The following NISCH variants were observed in gnomAD, a reference collection of about 807,000 sequenced individuals.
NISCH encodes the protein I-1 receptor candidate protein.
In NISCH, 55 loss-of-function variants were observed where a neutral mutation model predicts 138.4. That is an observed-to-expected ratio of 0.40 (90% CI 0.32 to 0.50). The LOEUF is 0.50. NISCH is among the 20% of genes least tolerant of loss of function. NISCH has a pLI of 0.71. For missense variants in NISCH, 1,643 were observed against 2,005.5 expected (o/e 0.82, Z 3.45); for synonymous variants, 860 against 861.5 (o/e 1.00, Z 0.03).
Position 52,470,884 on chromosome 3 carries a change from T to A in NISCH, c.386T>A (p.Leu129Gln). ...FYEINGITAA[L>Q]AEELFEKGEQ... ...GAGATAAATGGCATCACCGCGGCAC[T>A]GGCTGAAGAGCTCTTTGAGAAAGGT... The change falls in exon 4 of 21, where the codon CTG (leucine) becomes CAG (glutamine). Residue 129 changes from leucine (L) to glutamine (Q), a missense_variant. Transcript: ENST00000345716. 1 of 1,614,164 alleles carries A rather than the reference T, an allele frequency of 6.2e-7. No individual in the cohort carries two copies. Among genetic ancestry groups the A allele is most frequent in the Non-Finnish European group, 8.5e-7 (1 of 1,180,024 alleles).
chr3:52,489,675 T>C lies in NISCH; in HGVS notation c.3453T>C (p.Ala1151=). 6.2e-7 allele frequency: 1 copy of C among 1,611,154 alleles called. No individual in the cohort carries two copies. The change falls in exon 17 of 21, where the codon GCT becomes GCC. Residue 1151 remains alanine, a synonymous_variant. Coordinates refer to ENST00000345716, the MANE Select transcript of NISCH (RefSeq NM_007184.4). The stretch of plus-strand genomic sequence containing the variant: ...TCGAGCTCTTCCACAGCAGCATTGC[T>C]GAGGTAGCGGCCCGGGTGTGGGTGC... ...AIIELFHSSI[A]EVENEELRHL... is the part of the protein sequence containing the mutation.
At chr3:52,459,005 A>G (rs1278233083) in intron 3 of NISCH, among the ~76,000 whole-genome samples, 161 bp downstream of exon 3, 1 of 152,190 alleles carries the variant, frequency 6.6e-6, no homozygotes, top group Admixed American at 6.5e-5. Flanking sequence ...TTGTGGCCAG[A>G]AGCATGTTAG....
chr3:52,469,427 C>T (rs1048189618), intron 3 of NISCH, among the ~76,000 whole-genome samples: 4 of 152,146 alleles, frequency 2.6e-5, no homozygotes, highest in Non-Finnish European at 4.4e-5. Flanking sequence ...AGGGTGTCGG[C>T]GCTTGTCCAC....
At chr3:52,481,985 G>T (rs986389981) in intron 13 of NISCH, 1 of 918,284 alleles carries the variant, frequency 1.1e-6, no homozygotes, top group Non-Finnish European at 1.3e-6. Context: ...TGATGTCTCC[G>T]CTCTATCCGC....
intron 3 of NISCH, among the ~76,000 whole-genome samples, chr3:52,463,147 A>G (rs1475486204): frequency 6.6e-6 from 1 of 152,148 alleles, no homozygotes; most frequent in Non-Finnish European, 1.5e-5. Context: ...GCAGTCACTA[A>G]TCTACTTTCT....
In NISCH at chr3:52,471,848, C is replaced by A. The variant is rs148675688; in HGVS notation, c.444C>A (p.Ala148=). The change falls in exon 5 of 21, where the codon GCC becomes GCA. Residue 148 remains alanine (A), a synonymous_variant. Transcript: ENST00000345716. Reference sequence around the variant, plus strand: ...TCCTGGGGGCCGGCGAGGTCTTTGCCATTGGACCCCTGCAGCTGTATGCCG... The same window carrying A: ...TCCTGGGGGCCGGCGAGGTCTTTGCAATTGGACCCCTGCAGCTGTATGCCG... ...EQLLGAGEVF[A]IGPLQLYAVT... is the part of the protein sequence containing the mutation. The A allele has an allele frequency of 6.2e-7, 1 of 1,613,824 alleles. No individual in the cohort carries two copies. Among genetic ancestry groups the A allele is most frequent in the East Asian group, 2.2e-5 (1 of 44,900 alleles).
At chr3:52,463,898 A>AT (rs1383022551) in intron 3 of NISCH, among the ~76,000 whole-genome samples, 1 of 147,580 alleles carries the variant, frequency 6.8e-6, no homozygotes, top group Non-Finnish European at 1.5e-5. Context: ...TAATTTTTGT[A>AT]TTTTTTTCAT....
Position 52,478,513 on chromosome 3 carries a change from C to T in NISCH, c.1238C>T (p.Pro413Leu), listed in dbSNP as rs753692259. The T allele has an allele frequency of 6.2e-7, 1 of 1,614,220 alleles. No individual in the cohort carries two copies. Among genetic ancestry groups the T allele is most frequent in the South Asian group, 1.1e-5 (1 of 91,084 alleles). Reference protein sequence around the residue: ...CLEHVSLLNNPLSIIPDYRTK... With the variant: ...CLEHVSLLNNLLSIIPDYRTK... ...GAGCACGTGTCTCTGCTGAACAACC[C>T]TCTGAGCATCATCCCCGACTACCGG... Residue 413 changes from proline to leucine, a missense_variant, in exon 11 of 21, where the codon CCT (proline) becomes CTT (leucine). Transcript: ENST00000345716.
Position 52,489,345 on chromosome 3 carries a change from G to A in NISCH, c.3123G>A (p.Gln1041=). Residue 1041 remains glutamine, a synonymous_variant, in exon 17 of 21, where the codon CAG becomes CAA. Transcript: ENST00000345716. ...TTTTCGGGGGATACAGCAATGACCA[G>A]CGTCCCCAGGAGGTCCCAGCAGAGG... ...QPAERRASND[Q]RPQEVPAEAL... The A allele has an allele frequency of 1.2e-6, 2 of 1,611,894 alleles. No individual in the cohort carries two copies. The highest frequency in any genetic ancestry group is 2.2e-5 in the South Asian group (2 of 91,022).
At chr3:52,456,090 C>T (rs1247292299) in intron 1 of NISCH, among the ~76,000 whole-genome samples, 3 of 151,954 alleles carry the variant, frequency 2.0e-5, no homozygotes, top group African/African-American at 7.3e-5. Flanking sequence ...CCTGGAAGAC[C>T]GTTACAGGGG....
chr3:52,483,769 G>A (rs1047213181), intron 13 of NISCH, among the ~76,000 whole-genome samples: 1 of 152,204 alleles, frequency 6.6e-6, no homozygotes, highest in African/African-American at 2.4e-5. Flanking sequence ...GACAAATCAG[G>A]GGACGGGGTC....
At position 52,490,280 on chromosome 3, in the gene NISCH, G is replaced by T. The variant is rs770352224; in HGVS notation, c.3613+49G>T. The T allele has an allele frequency of 1.9e-6, 3 of 1,596,406 alleles. No homozygotes were observed. In the African/African-American group the frequency reaches 4.0e-5, roughly 21 times the overall value. On this transcript the variant is annotated intron_variant, in intron 18 of 20. Transcript: ENST00000345716. ...TCAGGAGCTTGGAGTGTGTGGTTGG[G>T]GCAGGCCTGGGGGGTCATTCTCTGG...
In NISCH at chr3:52,491,335, A is replaced by G. The variant is rs755353707; in HGVS notation, c.3743-17A>G. 4 of 1,605,160 alleles carry G rather than the reference A, an allele frequency of 2.5e-6. No homozygotes were observed. Among genetic ancestry groups the G allele is most frequent in the South Asian group, 2.2e-5 (2 of 90,004 alleles). On this transcript the variant is annotated splice_polypyrimidine_tract_variant and intron_variant, in intron 19 of 20. Coordinates refer to ENST00000345716, the MANE Select transcript of NISCH (RefSeq NM_007184.4). The stretch of plus-strand genomic sequence containing the variant: ...GGAGCGCCGGCCTGTGGCCCTGACC[A>G]GCCCCTTCTCGTGCAGGTTCCACCC...
chr3:52,458,481 T>C (rs1365716131), intron 2 of NISCH, among the ~76,000 whole-genome samples, 181 bp from the exon 3 acceptor site: 2 of 152,234 alleles, frequency 1.3e-5, no homozygotes, highest in East Asian at 1.9e-4. Context: ...GTATTTCTAA[T>C]GCTAATTGGA....
At chr3:52,481,183 C>G (rs1193146587) in intron 13 of NISCH, 2 of 1,187,824 alleles carry the variant, frequency 1.7e-6, no homozygotes, top group African/African-American at 1.6e-5. Flanking sequence ...CTCACCACTG[C>G]CAAAACACGG....
rs1335596688 is a variant in NISCH at position 52,478,124 on chromosome 3, C to A, written c.1015C>A (p.Leu339Met). 1.2e-6 allele frequency: 2 copies of A among 1,614,082 alleles called. No homozygotes were observed. The highest frequency in any genetic ancestry group is 1.1e-5 in the South Asian group (1 of 91,082). ...QHLYNLVHLD[L>M]SYNKLSSLEG... Reference sequence around the variant, plus strand: ...CCTGTATAACCTTGTGCATCTGGACCTGTCCTACAACAAGCTCTCCTCCTT... The same window carrying A: ...CCTGTATAACCTTGTGCATCTGGACATGTCCTACAACAAGCTCTCCTCCTT... The change falls in exon 10 of 21, where the codon CTG becomes ATG. Residue 339 changes from leucine to methionine, a missense_variant. Transcript: ENST00000345716.
chr3:52,470,019 A>G (rs927008176), intron 3 of NISCH, among the ~76,000 whole-genome samples: 3 of 151,690 alleles, frequency 2.0e-5, no homozygotes, highest in African/African-American at 7.3e-5. Context: ...AGGAGTTCCA[A>G]GCTGCAGTGA....
At chr3:52,456,900 A>T (rs911959985) in intron 1 of NISCH, among the ~76,000 whole-genome samples, 4 of 152,168 alleles carry the variant, frequency 2.6e-5, no homozygotes, top group Non-Finnish European at 5.9e-5. Flanking sequence ...GGGCACATTC[A>T]GCCAGAGGGC....
chr3:52,457,191 C>T (rs1706499189), intron 1 of NISCH, among the ~76,000 whole-genome samples: 1 of 152,220 alleles, frequency 6.6e-6, no homozygotes, highest in South Asian at 2.1e-4. Flanking sequence ...ACATAAGCTG[C>T]AGCCAGGAAA....
Sources: gnomAD v4.1 joint callset for allele counts (sites outside exome capture counted in the v4.1 genomes callset) on GRCh38, gnomAD v4.1.1 for gene constraint, MANE v1.5 for transcripts, NCBI Gene and HGNC (gene_info 2026-07-23, HGNC 2026-07-21) for gene names.